The following TANC2 variants were observed in gnomAD, a reference collection of about 807,000 sequenced individuals.
TANC2 encodes the protein tetratricopeptide repeat, ankyrin repeat and coiled-coil containing 2.
Under a neutral mutation model 210.5 loss-of-function variants are expected in TANC2, and 26 were observed. The observed-to-expected ratio is 0.12, with a 90% CI of 0.09 to 0.17. The LOEUF is 0.17. TANC2 is among the 10% of genes least tolerant of loss of function. The probability of loss-of-function intolerance (pLI) is 1.00; values close to 1 mark genes in which losing one functional copy is unlikely to be tolerated. For synonymous variants in TANC2, 931 were observed against 967.1 expected, an observed-to-expected ratio of 0.96 and a Z score of 0.69; for missense variants, 2,129 against 2,608.9, an observed-to-expected ratio of 0.82 and a Z score of 4.01.
intron 14 of TANC2, among the ~76,000 whole-genome samples, chr17:63,364,693 G>T (rs2047059958): frequency 6.6e-6 from 1 of 152,006 alleles, no homozygotes; most frequent in Non-Finnish European, 1.5e-5. Flanking sequence ...AAGCCAAGGT[G>T]GGAGAATCAC....
intron 3 of TANC2, 22 bp from the exon 4 acceptor site, chr17:63,099,153 T>G (rs781608766): frequency 1.2e-6 from 2 of 1,608,392 alleles, no homozygotes; most frequent in African/African-American, 1.3e-5. Context: ...ACCAGCTCTT[T>G]TGTTCCATCC....
At chr17:63,104,531 T>A (rs78119823) in intron 4 of TANC2, among the ~76,000 whole-genome samples, 5,114 of 152,324 alleles carry the variant, frequency 0.034, 99 homozygotes, top group Middle Eastern at 0.044. Flanking sequence ...ACTAGGAGTT[T>A]GTTTTACAAA....
At chr17:63,245,724 C>T (rs1276484943) in intron 8 of TANC2, among the ~76,000 whole-genome samples, 1 of 152,062 alleles carries the variant, frequency 6.6e-6, no homozygotes, top group African/African-American at 2.4e-5. Context: ...GGCCTGTAAT[C>T]CCAGCTACTC....
intron 9 of TANC2, among the ~76,000 whole-genome samples, chr17:63,302,347 C>T (rs1234661962): frequency 6.6e-6 from 1 of 151,954 alleles, no homozygotes; most frequent in African/African-American, 2.4e-5. Context: ...AATTTTCTGT[C>T]TCGTTGGTCT....
chr17:63,255,250 G>A lies in TANC2; in HGVS notation c.1034-12498G>A, dbSNP rs565588629. Among the ~76,000 whole-genome samples, 5 of 151,832 alleles carry A rather than the reference G, an allele frequency of 3.3e-5. No individual in the cohort carries two copies. The South Asian group carries it at 8.3e-4, about 25-fold the overall frequency. ...CTCCCGAGCAGCTAGGACTACAGGC[G>A]CCCGGCTAATTTTTTGTATTTTTAG... On this transcript the variant is annotated intron_variant, in intron 8 of 27. Coordinates refer to ENST00000689528, the Ensembl canonical transcript of TANC2.
At chr17:63,202,815 A>G (rs1330814450) in intron 7 of TANC2, among the ~76,000 whole-genome samples, 3 of 152,086 alleles carry the variant, frequency 2.0e-5, no homozygotes, top group Non-Finnish European at 2.9e-5. Context: ...TTATATTTAT[A>G]TAAGTCCTTG....
intron 2 of TANC2, among the ~76,000 whole-genome samples, chr17:63,010,012 G>A (rs1464526214): frequency 6.6e-6 from 1 of 152,060 alleles, no homozygotes; most frequent in Non-Finnish European, 1.5e-5. Context: ...TATACAGAAA[G>A]TGAAATATAA....
chr17:63,332,070 TC>T, intron 11 of TANC2: 1 of 332,700 alleles, frequency 3.0e-6, no homozygotes, highest in Non-Finnish European at 5.9e-6. Flanking sequence ...TGTAGAGTCT[TC>T]CTGAATAATT....
intron 9 of TANC2, among the ~76,000 whole-genome samples, chr17:63,307,336 T>A (rs1418633292): frequency 6.6e-6 from 1 of 152,154 alleles, no homozygotes; most frequent in Non-Finnish European, 1.5e-5. Flanking sequence ...ACCATTACTT[T>A]GTTAATTCTT....
chr17:63,033,291 G>T lies in TANC2; in HGVS notation c.67+23665G>T, dbSNP rs919481295. Among the ~76,000 whole-genome samples, 8 of 152,174 alleles carry T rather than the reference G, an allele frequency of 5.3e-5. No homozygotes were observed. The East Asian group carries it at 1.5e-3, about 29-fold the overall frequency. Reference sequence around the variant, plus strand: ...TTCCGTTCCCCAGAAGTTGGGGTGGGTGGAGCTGAAAGTTTCCCCTGATTT... The same window carrying T: ...TTCCGTTCCCCAGAAGTTGGGGTGGTTGGAGCTGAAAGTTTCCCCTGATTT... On this transcript the variant is annotated intron_variant, in intron 2 of 27. Coordinates refer to ENST00000689528, the Ensembl canonical transcript of TANC2.
chr17:62,977,286 C>T (rs1423477950), intron 1 of TANC2, among the ~76,000 whole-genome samples: 3 of 152,102 alleles, frequency 2.0e-5, no homozygotes, highest in Non-Finnish European at 4.4e-5. Flanking sequence ...GAATCTTTTT[C>T]TTTAAATGAA....
At chr17:63,371,673 A>G (rs1317190603) in intron 14 of TANC2, among the ~76,000 whole-genome samples, 2 of 152,344 alleles carry the variant, frequency 1.3e-5, no homozygotes, top group East Asian at 1.9e-4. Context: ...AAGACTAGCT[A>G]TCTCCTGGGG....
Position 63,277,381 on chromosome 17 carries a change from G to A in TANC2, c.1159+9508G>A, listed in dbSNP as rs371406247. Among the ~76,000 whole-genome samples, 316 of 149,022 alleles carry A rather than the reference G, an allele frequency of 2.1e-3. 11 individuals are homozygous for A. The South Asian group carries it at 0.06, about 28-fold the overall frequency. On this transcript the variant is annotated intron_variant, in intron 9 of 27. Transcript: ENST00000689528. ...GGGGGTTTGTTGTACAGATTATTTC[G>A]TCACCCCGGTATTAAGCCGAAGACC...
chr17:63,021,949 C>G (rs2034365639), intron 2 of TANC2, among the ~76,000 whole-genome samples: 1 of 152,114 alleles, frequency 6.6e-6, no homozygotes, highest in Non-Finnish European at 1.5e-5. Context: ...TGAGGAATAT[C>G]TTGTTGGGTA....
rs2048461928 is a variant in TANC2, at chr17:63,405,115, C to T, written c.3332-7C>T. ...ACCTATCCTCAATCTTTGTTCTCTG[C>T]CCTTAGCCCTAACAGCTGCAGCCGG... is the stretch of plus-strand genomic sequence containing the variant. On this transcript the variant is annotated splice_region_variant and splice_polypyrimidine_tract_variant and intron_variant, in intron 19 of 27. Transcript: ENST00000689528. 1 of 1,608,496 alleles carries T rather than the reference C, an allele frequency of 6.2e-7. No individual in the cohort carries two copies.
In TANC2 at chr17:62,970,015, TAA is replaced by T. The variant is rs143844048; in HGVS notation, c.-24+3268_-24+3269del. On this transcript the variant is annotated intron_variant, in intron 1 of 27. Transcript: ENST00000689528. The stretch of plus-strand genomic sequence containing the variant: ...AGTATTTATAAAAATGTGTAAAATA[TAA>T]AGACTTCACAATGCAGCCAACACTT... 4.1e-3 allele frequency among the ~76,000 whole-genome samples: 621 copies of T among 152,288 alleles called. 5 individuals carry two copies. The highest frequency in any genetic ancestry group is 0.013 in the African/African-American group (538 of 41,576).
Position 63,237,810 on chromosome 17 carries a change from TCAGCTACA to T in TANC2, c.770-3_774del. The T allele has an allele frequency of 6.5e-6, 10 of 1,534,368 alleles. No individual in the cohort carries two copies. Among genetic ancestry groups the T allele is most frequent in the Admixed American group, 6.4e-5 (3 of 46,762 alleles). ...TTAAATTCATTTTACTCTTTTTTTT[TCAGCTACA>T]TTAACAAGCTATTCTGAAAATGTGG... is the stretch of plus-strand genomic sequence containing the variant. On this transcript the variant is annotated splice_acceptor_variant and splice_polypyrimidine_tract_variant and coding_sequence_variant and intron_variant, in exon 8 of 28. Transcript: ENST00000689528. LOFTEE classifies it high-confidence loss of function.
chr17:63,130,303 G>A (rs1022381117), intron 4 of TANC2, among the ~76,000 whole-genome samples: 11 of 152,138 alleles, frequency 7.2e-5, no homozygotes, highest in Non-Finnish European at 1.5e-4. Context: ...GAGGTCAGGA[G>A]TTGACCAAGA....
intron 4 of TANC2, among the ~76,000 whole-genome samples, chr17:63,131,543 T>TC (rs975414834): frequency 1.3e-5 from 2 of 152,188 alleles, no homozygotes; most frequent in Non-Finnish European, 2.9e-5. Context: ...TTTTTTTTTT[T>TC]TTCTACATTA....
Sources: allele counts gnomAD v4.1 joint callset (sites outside exome capture counted in the v4.1 genomes callset), GRCh38; gene constraint gnomAD v4.1.1; transcripts MANE v1.5; gene names NCBI Gene and HGNC (gene_info 2026-07-23, HGNC 2026-07-21).